Variants in ANKRD44 observed in about 807,000 individuals in gnomAD.
ANKRD44 encodes serine/threonine-protein phosphatase 6 regulatory ankyrin repeat subunit B.
ANKRD44 carries 35 observed loss-of-function variants against 116.0 expected under a neutral mutation model. That is an observed-to-expected ratio of 0.30 (90% CI 0.23 to 0.40). The LOEUF (loss-of-function observed/expected upper bound fraction) is 0.40. Among genes scored for constraint, ANKRD44 ranks in the 10% least tolerant of loss-of-function variants. The probability of loss-of-function intolerance (pLI) is 1.00; values close to 1 mark genes in which losing one functional copy is unlikely to be tolerated. For missense variants in ANKRD44, 1,014 were observed against 1,242.6 expected (o/e 0.82, Z 2.77); for synonymous variants, 435 against 461.8 (o/e 0.94, Z 0.74).
In ANKRD44 at chr2:197,300,560, T is replaced by C. The variant is rs545853139; in HGVS notation, c.27+10018A>G. Among the ~76,000 whole-genome samples the C allele has an allele frequency of 1.2e-4, 18 of 152,278 alleles. No individual in the cohort carries two copies. The South Asian group carries it at 1.5e-3, about 12-fold the overall frequency. On this transcript the variant is annotated intron_variant, in intron 1 of 27. Coordinates refer to ENST00000282272, the MANE Select transcript of ANKRD44 (RefSeq NM_001195144.2). ...AATAAACTTTAAAGAGGGCCTTTCA[T>C]GTGCAAGGCATTCAGTATCATCTAA... is the stretch of plus-strand genomic sequence containing the variant.
chr2:197,129,495 G>C (rs2079051356), intron 4 of ANKRD44, among the ~76,000 whole-genome samples: 1 of 152,120 alleles, frequency 6.6e-6, no homozygotes, highest in Non-Finnish European at 1.5e-5. Flanking sequence ...CCCAAATGGA[G>C]GCATCAGCCC....
At chr2:197,296,139 G>A (rs138337684) in intron 1 of ANKRD44, among the ~76,000 whole-genome samples, 1 of 152,364 alleles carries the variant, frequency 6.6e-6, no homozygotes, top group African/African-American at 2.4e-5. Context: ...AGGACAGGCA[G>A]TGGGGTGCTT....
intron 1 of ANKRD44, among the ~76,000 whole-genome samples, chr2:197,288,736 T>A (rs1255427639): frequency 6.6e-6 from 1 of 152,164 alleles, no homozygotes; most frequent in Non-Finnish European, 1.5e-5. Flanking sequence ...AATGAAATCA[T>A]GTCACTTGCA....
At chr2:196,984,901 T>C (rs2075826328), downstream of ANKRD44, among the ~76,000 whole-genome samples, 1 of 152,254 alleles carries the variant, frequency 6.6e-6, no homozygotes, top group Non-Finnish European at 1.5e-5. Flanking sequence ...GTTCACACCC[T>C]TGGGGAATCC....
At chr2:197,088,864 A>G (rs2077982538) in intron 11 of ANKRD44, 90 bp from the exon 12 acceptor site, 6 of 1,416,978 alleles carry the variant, frequency 4.2e-6, no homozygotes, top group Non-Finnish European at 5.8e-6. Context: ...AGAGACAGAA[A>G]AATCAGTTAG....
chr2:197,136,418 A>G, intron 4 of ANKRD44, 174 bp downstream of exon 4: 9 of 634,484 alleles, frequency 1.4e-5, no homozygotes, highest in Middle Eastern at 5.7e-4. Context: ...AGCCCCACTC[A>G]GCACTATGTC....
Position 197,309,427 on chromosome 2 carries a change from A to T in ANKRD44, c.27+1151T>A, listed in dbSNP as rs564179872. On this transcript the variant is annotated intron_variant, in intron 1 of 27. Coordinates refer to ENST00000282272, the MANE Select transcript of ANKRD44 (RefSeq NM_001195144.2). ...TATTTAGGAAAAACAAGCTAAAAAA[A>T]TTGAATCTAAAAGGCAGGAGAACAA... Among the ~76,000 whole-genome samples, 48 of 152,332 alleles carry T rather than the reference A, an allele frequency of 3.2e-4. No individual in the cohort carries two copies. In the South Asian group the frequency reaches 7.5e-3, roughly 24 times the overall value.
At chr2:197,121,145 T>C (rs1284719475) in intron 8 of ANKRD44, among the ~76,000 whole-genome samples, 187 bp downstream of exon 8, 1 of 152,112 alleles carries the variant, frequency 6.6e-6, no homozygotes, top group Non-Finnish European at 1.5e-5. Flanking sequence ...GTCAGGCTGG[T>C]CTTGAACTCC....
intron 1 of ANKRD44, among the ~76,000 whole-genome samples, chr2:197,295,037 A>G (rs1028952464): frequency 1.3e-5 from 2 of 152,072 alleles, no homozygotes; most frequent in South Asian, 2.1e-4. Flanking sequence ...AGGCAGAGGG[A>G]AAAAAAAGTT....
At chr2:197,003,855 T>A (rs966631154) in intron 21 of ANKRD44, among the ~76,000 whole-genome samples, 4 of 151,596 alleles carry the variant, frequency 2.6e-5, no homozygotes, top group Admixed American at 2.6e-4. Flanking sequence ...ATCACAATCC[T>A]CCAATGGCAG....
intron 2 of ANKRD44, among the ~76,000 whole-genome samples, chr2:197,156,597 TTGGGTATTTAC>T (rs2079821806): frequency 2.0e-5 from 3 of 152,224 alleles, no homozygotes; most frequent in Admixed American, 2.0e-4. Flanking sequence ...TATCGTACCC[TTGGGTATTTAC>T]TGGAAAGAAA....
At chr2:197,166,932 A>G (rs951058683) in intron 2 of ANKRD44, among the ~76,000 whole-genome samples, 3 of 152,258 alleles carry the variant, frequency 2.0e-5, no homozygotes, top group African/African-American at 7.2e-5. Context: ...TGTGATATAT[A>G]GTGTCCTGAG....
At chr2:197,278,480 C>T (rs1397452393) in intron 1 of ANKRD44, among the ~76,000 whole-genome samples, 1 of 152,064 alleles carries the variant, frequency 6.6e-6, no homozygotes, top group Non-Finnish European at 1.5e-5. Flanking sequence ...CCTCAGCCTC[C>T]CGAGTAGCTG....
chr2:197,153,543 G>T (rs1184886412), intron 2 of ANKRD44, among the ~76,000 whole-genome samples: 2 of 152,058 alleles, frequency 1.3e-5, no homozygotes, highest in Non-Finnish European at 2.9e-5. Flanking sequence ...CTTAAGGTGG[G>T]GAATTAAAAG....
At position 197,084,264 on chromosome 2, in the gene ANKRD44, C is replaced by T. The variant is rs1302934305; in HGVS notation, c.1317-755G>A. 3.9e-5 allele frequency among the ~76,000 whole-genome samples: 6 copies of T among 152,092 alleles called. No homozygotes were observed. The East Asian group carries it at 7.7e-4, about 20-fold the overall frequency. ...GGCTTTCTGGATCATGTCCCTACAT[C>T]CCCCCTACCTTTGTCCAGGTTGGTT... On this transcript the variant is annotated intron_variant, in intron 13 of 27. Transcript: ENST00000282272.
intron 1 of ANKRD44, among the ~76,000 whole-genome samples, chr2:197,245,915 A>C (rs564635817): frequency 1.3e-5 from 2 of 152,352 alleles, no homozygotes; most frequent in South Asian, 2.1e-4. Context: ...CCTTTTACCA[A>C]ATTGAGAGTA....
chr2:197,144,593 T>C (rs966650643), intron 3 of ANKRD44, among the ~76,000 whole-genome samples: 6 of 152,196 alleles, frequency 3.9e-5, no homozygotes, highest in African/African-American at 1.4e-4. Flanking sequence ...CCCTAAGTCT[T>C]CTTAATTTGA....
chr2:197,301,663 T>G (rs1373905838), intron 1 of ANKRD44, among the ~76,000 whole-genome samples: 1 of 152,212 alleles, frequency 6.6e-6, no homozygotes, highest in Non-Finnish European at 1.5e-5. Context: ...GAGTACTTCA[T>G]GAGTAAAAAA....
In ANKRD44 at chr2:197,275,747, G is replaced by C. The variant is rs1444406766; in HGVS notation, c.27+34831C>G. Among the ~76,000 whole-genome samples the C allele has an allele frequency of 2.0e-5, 3 of 152,118 alleles. No individual in the cohort carries two copies. In the East Asian group the frequency reaches 5.8e-4, roughly 29 times the overall value. ...GATTACAGGGCTCTGCTGGCATATG[G>C]GGGGTGGGAGCAGGAACGCTACAGT... is the stretch of plus-strand genomic sequence containing the variant. On this transcript the variant is annotated intron_variant, in intron 1 of 27. Coordinates refer to ENST00000282272, the MANE Select transcript of ANKRD44 (RefSeq NM_001195144.2).
Sources: gnomAD v4.1 joint callset for allele counts (sites outside exome capture counted in the v4.1 genomes callset) on GRCh38, gnomAD v4.1.1 for gene constraint, MANE v1.5 for transcripts, NCBI Gene and HGNC (gene_info 2026-07-23, HGNC 2026-07-21) for gene names.